The following GALNT16 variants were observed in gnomAD, a reference collection of about 807,000 sequenced individuals.
GALNT16 encodes polypeptide N-acetylgalactosaminyltransferase 16.
In GALNT16, 40 loss-of-function variants were observed where a neutral mutation model predicts 76.1. The observed-to-expected ratio is 0.53, with a 90% CI of 0.41 to 0.68. The LOEUF (loss-of-function observed/expected upper bound fraction) is 0.68. GALNT16 is among the 30% of genes least tolerant of loss of function. The probability of loss-of-function intolerance (pLI) is 0.00; values close to 1 mark genes in which losing one functional copy is unlikely to be tolerated. For synonymous variants in GALNT16, 276 were observed against 285.2 expected (o/e 0.97, Z 0.32); for missense variants, 621 against 731.9 (o/e 0.85, Z 1.75).
intron 6 of GALNT16, among the ~76,000 whole-genome samples, chr14:69,330,735 C>T (rs573317458): frequency 6.6e-6 from 1 of 152,228 alleles, no homozygotes; most frequent in South Asian, 2.1e-4. Flanking sequence ...TGTTCCGTGT[C>T]CCCCATGGAG....
chr14:69,346,709 A>G (rs2045568991), intron 12 of GALNT16, among the ~76,000 whole-genome samples: 1 of 152,180 alleles, frequency 6.6e-6, no homozygotes. Flanking sequence ...TTTTGGCCCC[A>G]GGCTCTCCTG....
chr14:69,330,813 C>A (rs2045343352), intron 6 of GALNT16, among the ~76,000 whole-genome samples: 1 of 152,154 alleles, frequency 6.6e-6, no homozygotes, highest in Admixed American at 6.5e-5. Context: ...TAATCTACCA[C>A]CCCAAAAAAG....
chr14:69,285,760 C>G (rs1460504703), intron 1 of GALNT16, among the ~76,000 whole-genome samples: 2 of 152,134 alleles, frequency 1.3e-5, no homozygotes, highest in Non-Finnish European at 2.9e-5. Context: ...GCTGAGCCCC[C>G]CTCTCCATCT....
At chr14:69,347,818 C>T (rs2045586161) in intron 13 of GALNT16, 59 bp from the exon 14 acceptor site, 5 of 1,587,064 alleles carry the variant, frequency 3.2e-6, no homozygotes, top group Non-Finnish European at 4.3e-6. Flanking sequence ...CCCTATCTAC[C>T]CATCTCTCCA....
chr14:69,287,604 T>C (rs1321897880), intron 1 of GALNT16, among the ~76,000 whole-genome samples: 1 of 152,158 alleles, frequency 6.6e-6, no homozygotes, highest in Non-Finnish European at 1.5e-5. Context: ...TCCCTGTGAG[T>C]AATGCTCCAG....
rs2044246315 is a variant in GALNT16 at position 69,260,361 on chromosome 14, T to C, written c.71T>C (p.Leu24Ser). The C allele has an allele frequency of 1.2e-6, 2 of 1,611,808 alleles. No individual in the cohort carries two copies. Among genetic ancestry groups the C allele is most frequent in the African/African-American group, 1.3e-5 (1 of 74,840 alleles). ...TGGATCCTGGGCACTTTCTACTACT[T>C]ATGGCAGGACAACCGAGCCCACGCA... The part of the protein sequence containing the change: ...VAWILGTFYY[L>S]WQDNRAHAAS... The change falls in exon 1 of 15, where the codon TTA (leucine) becomes TCA (serine). Residue 24 changes from leucine (L) to serine (S), a missense_variant. Coordinates refer to ENST00000448469, the MANE Select transcript of GALNT16 (RefSeq NM_001168368.2).
chr14:69,268,496 G>T (rs1177368939), intron 1 of GALNT16, among the ~76,000 whole-genome samples: 1 of 152,178 alleles, frequency 6.6e-6, no homozygotes, highest in Non-Finnish European at 1.5e-5. Flanking sequence ...AGGGCCGTGT[G>T]AGGTAGGAGG....
chr14:69,312,483 A>G (rs1022322312), intron 1 of GALNT16, among the ~76,000 whole-genome samples: 1 of 152,054 alleles, frequency 6.6e-6, no homozygotes, highest in Non-Finnish European at 1.5e-5. Flanking sequence ...CCTTTTCCTC[A>G]GCCATAGAGC....
At position 69,333,548 on chromosome 14, in the gene GALNT16, C is replaced by A. The variant is rs959646377; in HGVS notation, c.915C>A (p.Asn305Lys). 3 of 1,609,860 alleles carry A rather than the reference C, an allele frequency of 1.9e-6. No homozygotes were observed. In the Admixed American group the frequency reaches 5.1e-5, roughly 27 times the overall value. The part of the protein sequence containing the change: ...GIFVIDKSWF[N>K]HLGKYDAQMD... ...TCGTGATCGACAAGTCCTGGTTTAACCACTTGGGAAAGTATGATGCCCAGA... is the reference window on the plus strand; with the variant it reads ...TCGTGATCGACAAGTCCTGGTTTAAACACTTGGGAAAGTATGATGCCCAGA... Residue 305 changes from asparagine to lysine, a missense_variant, in exon 9 of 15, where the codon AAC becomes AAA. Asn to Lys is a moderately conservative substitution (Grantham distance 94). Coordinates refer to ENST00000448469, the MANE Select transcript of GALNT16 (RefSeq NM_001168368.2). This position sits in a 1 kb window ranked among gnomAD's most constrained non-coding sequence, Gnocchi z 4.2.
intron 2 of GALNT16, among the ~76,000 whole-genome samples, chr14:69,323,218 C>A (rs370559161): frequency 1.3e-5 from 2 of 152,132 alleles, no homozygotes; most frequent in African/African-American, 2.4e-5. Context: ...TAAGACAGGC[C>A]GAGGAGGATC....
intron 1 of GALNT16, among the ~76,000 whole-genome samples, chr14:69,298,298 G>A (rs1029087310): frequency 3.9e-5 from 6 of 152,220 alleles, no homozygotes; most frequent in African/African-American, 1.4e-4. Context: ...TTCTAGCTGT[G>A]TGTGGCCCTC....
chr14:69,343,889 G>A (rs996892701), intron 12 of GALNT16, among the ~76,000 whole-genome samples: 4 of 152,222 alleles, frequency 2.6e-5, no homozygotes, highest in African/African-American at 7.2e-5. Context: ...CAGCTACGTC[G>A]ATGAGGAGCA....
At chr14:69,274,983 C>T (rs1285397088) in intron 1 of GALNT16, among the ~76,000 whole-genome samples, 15 of 152,206 alleles carry the variant, frequency 9.9e-5, no homozygotes, top group Admixed American at 2.0e-4. Flanking sequence ...TACCCACCAC[C>T]TGATGGCACA....
At chr14:69,325,885 A>C in intron 4 of GALNT16, 77 bp from the exon 5 acceptor site, 3 of 1,171,886 alleles carry the variant, frequency 2.6e-6, no homozygotes, top group Non-Finnish European at 3.9e-6. Context: ...AGTATGGGGC[A>C]ATTTTCATGG....
intron 1 of GALNT16, among the ~76,000 whole-genome samples, chr14:69,310,844 G>T (rs1479213757): frequency 6.6e-6 from 1 of 152,172 alleles, no homozygotes; most frequent in Admixed American, 6.5e-5. Context: ...GAGCCCAGGA[G>T]GTTGAGGCTG....
the GALNT16 span, among the ~76,000 whole-genome samples, chr14:69,370,176 C>T: frequency 6.6e-6 from 1 of 152,176 alleles, no homozygotes; most frequent in African/African-American, 2.4e-5. Context: ...GCTTCAGTGG[C>T]CCCAAACATT....
At chr14:69,338,285 T>C (rs938375138) in intron 9 of GALNT16, among the ~76,000 whole-genome samples, 2 of 152,362 alleles carry the variant, frequency 1.3e-5, no homozygotes, top group South Asian at 2.1e-4. Flanking sequence ...GACGAGCAGA[T>C]GTGTTTTTCC....
chr14:69,352,270 T>G lies in GALNT16; in HGVS notation c.*102T>G. 1 of 1,046,836 alleles carries G rather than the reference T, an allele frequency of 9.6e-7. No individual in the cohort carries two copies. Among genetic ancestry groups the G allele is most frequent in the Non-Finnish European group, 1.4e-6 (1 of 735,902 alleles). 64.8% of individuals were successfully genotyped at this position (1,046,836 alleles called of 1,614,324 possible). A position where few individuals can be genotyped will look rare whatever the true frequency, so the allele number is the denominator to read the frequency against. ...GTGGGCTGTTCCCATCTCCTCACAT[T>G]TCTGCCAGGACCATCAGCAAATACC... On this transcript the variant is annotated 3_prime_UTR_variant, in exon 15 of 15. Transcript: ENST00000448469.
chr14:69,267,488 C>T (rs903231023), intron 1 of GALNT16, among the ~76,000 whole-genome samples: 2 of 152,248 alleles, frequency 1.3e-5, no homozygotes, highest in African/African-American at 4.8e-5. Context: ...GCTCCTCTTT[C>T]TTGCTGTTTC....
Sources: gnomAD v4.1 joint callset for allele counts (sites outside exome capture counted in the v4.1 genomes callset) on GRCh38, gnomAD v4.1.1 for gene constraint, Gnocchi (gnomAD v3.1) non-coding constraint, MANE v1.5 for transcripts, NCBI Gene and HGNC (gene_info 2026-07-23, HGNC 2026-07-21) for gene names.